MYO5B: variants seen among roughly 807,000 people sequenced by gnomAD.
The protein encoded by MYO5B is unconventional myosin-Vb.
In MYO5B, 143 loss-of-function variants were observed where a neutral mutation model predicts 229.3. The observed-to-expected ratio is 0.62, with a 90% CI of 0.54 to 0.72. The LOEUF (loss-of-function observed/expected upper bound fraction) is 0.72. MYO5B is among the 30% of genes least tolerant of loss of function. MYO5B has a pLI of 0.00. For missense variants in MYO5B, 2,321 were observed against 2,331.0 expected (o/e 1.00, Z 0.09); for synonymous variants, 918 against 885.2 (o/e 1.04, Z -0.66).
intron 2 of MYO5B, among the ~76,000 whole-genome samples, chr18:50,045,048 A>AG (rs1568084215): frequency 6.6e-6 from 1 of 152,200 alleles, no homozygotes; most frequent in African/African-American, 2.4e-5. Flanking sequence ...GAGTAGGCAG[A>AG]GGGATGATTT....
chr18:49,823,929 A>C lies in MYO5B; in HGVS notation c.*2542T>G, dbSNP rs1175606726. 6.5e-6 allele frequency: 1 copy of C among 152,672 alleles called. No homozygotes were observed. Among genetic ancestry groups the C allele is most frequent in the Admixed American group, 6.5e-5 (1 of 15,290 alleles). 9.5% of individuals were successfully genotyped at this position (152,672 alleles called of 1,614,324 possible). On this transcript the variant is annotated 3_prime_UTR_variant, in exon 40 of 40. Coordinates refer to ENST00000285039, the MANE Select transcript of MYO5B (RefSeq NM_001080467.3). The stretch of plus-strand genomic sequence containing the variant: ...TTAAAAGACAAAACTCCCCCATGAT[A>C]TCACCTTGAACATTAAAATTATTCC...
At chr18:50,064,838 C>T (rs1377811309) in intron 1 of MYO5B, among the ~76,000 whole-genome samples, 2 of 152,202 alleles carry the variant, frequency 1.3e-5, no homozygotes, top group Non-Finnish European at 2.9e-5. Flanking sequence ...CTCTAAACAA[C>T]CAAAGCAAGC....
chr18:49,981,536 T>C (rs961316860), intron 8 of MYO5B, among the ~76,000 whole-genome samples: 3 of 152,254 alleles, frequency 2.0e-5, no homozygotes, highest in African/African-American at 4.8e-5. Context: ...GTAAGCATCA[T>C]AGATTTACTT....
At chr18:50,035,580 T>C (rs2026439772) in intron 4 of MYO5B, among the ~76,000 whole-genome samples, 1 of 152,212 alleles carries the variant, frequency 6.6e-6, no homozygotes, top group African/African-American at 2.4e-5. Flanking sequence ...AACATGCTAA[T>C]GCTCATTCTT....
intron 25 of MYO5B, chr18:49,876,223 T>A (rs982299451): frequency 6.2e-6 from 2 of 322,248 alleles, no homozygotes; most frequent in Non-Finnish European, 1.2e-5. Flanking sequence ...TGATGAGGAA[T>A]CAACATGGTT....
At chr18:50,111,868 T>G (rs546541917) in intron 1 of MYO5B, among the ~76,000 whole-genome samples, 1 of 152,312 alleles carries the variant, frequency 6.6e-6, no homozygotes, top group Non-Finnish European at 1.5e-5. Flanking sequence ...TAAGGCACCT[T>G]GAGCACATGA....
At chr18:50,011,865 T>C (rs531072951) in intron 4 of MYO5B, among the ~76,000 whole-genome samples, 36 of 151,948 alleles carry the variant, frequency 2.4e-4, no homozygotes, top group African/African-American at 8.0e-4. Context: ...CCAGACCCTG[T>C]AGTACGGTGG....
chr18:50,153,126 G>C (rs2032625775), intron 1 of MYO5B, among the ~76,000 whole-genome samples: 1 of 152,138 alleles, frequency 6.6e-6, no homozygotes, highest in Non-Finnish European at 1.5e-5. Flanking sequence ...TCAATGTCCT[G>C]TGGCACAATT....
At chr18:49,856,985 TTTGG>T in intron 29 of MYO5B, 95 bp from the exon 30 acceptor site, 1 of 1,110,022 alleles carries the variant, frequency 9.0e-7, no homozygotes, top group Admixed American at 1.8e-5. Context: ...CTAGCCAAGG[TTTGG>T]AAACGAAAAA....
intron 1 of MYO5B, among the ~76,000 whole-genome samples, chr18:50,120,295 G>A (rs906756323): frequency 6.6e-6 from 1 of 152,206 alleles, no homozygotes; most frequent in African/African-American, 2.4e-5. Context: ...TGAAGACAAT[G>A]TCTGCTCGAG....
chr18:49,902,889 A>G (rs1303353816), intron 20 of MYO5B, 56 bp from the exon 21 acceptor site: 1 of 1,586,536 alleles, frequency 6.3e-7, no homozygotes, highest in Non-Finnish European at 8.5e-7. Context: ...ACAGGAGTGA[A>G]GGAAGCATAC....
chr18:49,871,389 A>G (rs1021620516), intron 27 of MYO5B, among the ~76,000 whole-genome samples: 4 of 152,170 alleles, frequency 2.6e-5, no homozygotes, highest in Admixed American at 2.0e-4. Flanking sequence ...TGTATTTAAT[A>G]CCATTGAACT....
At chr18:49,840,209 A>T (rs1289490484) in intron 35 of MYO5B, 1 of 152,274 alleles carries the variant, frequency 6.6e-6, no homozygotes, top group Non-Finnish European at 1.5e-5. Flanking sequence ...GAATGTGTAT[A>T]ACATTGGGTA....
Position 49,875,744 on chromosome 18 carries a change from C to A in MYO5B, c.3480G>T (p.Arg1160Ser). The change falls in exon 26 of 40, where the codon AGG becomes AGT. Residue 1160 changes from arginine (R) to serine (S), a missense_variant. Physicochemically the swap from Arg to Ser is moderately radical, Grantham distance 110. Transcript: ENST00000285039. ...QKRVRELEQE[R>S]KKLQVQLEKR... ...TCTCCAGCTGCACTTGCAGCTTTTT[C>A]CTCTCCTGCTCCAGCTCCCGTACTC... 1 of 1,614,180 alleles carries A rather than the reference C, an allele frequency of 6.2e-7. No homozygotes were observed.
chr18:49,894,348 C>G (rs950008128), intron 22 of MYO5B, among the ~76,000 whole-genome samples: 1 of 152,120 alleles, frequency 6.6e-6, no homozygotes, highest in African/African-American at 2.4e-5. Flanking sequence ...CTCCAGGGGC[C>G]CTTGGGACTT....
intron 1 of MYO5B, among the ~76,000 whole-genome samples, chr18:50,185,225 G>A (rs148409382): frequency 2.2e-4 from 34 of 151,866 alleles, no homozygotes; most frequent in East Asian, 5.8e-4. Context: ...GTGAACAGAG[G>A]CTCAACCCTC....
chr18:49,912,001 AC>A (rs1478555868), intron 18 of MYO5B, 60 bp downstream of exon 18: 10 of 1,249,898 alleles, frequency 8.0e-6, no homozygotes. Flanking sequence ...TAACGACGCC[AC>A]CCCCTCAATC....
In MYO5B at chr18:49,824,250, A is replaced by AAC. The variant is rs1598811569; in HGVS notation, c.*2219_*2220dup. The AAC allele has an allele frequency of 1.3e-5, 2 of 152,294 alleles. No individual in the cohort carries two copies. The highest frequency in any genetic ancestry group is 3.8e-4 in the East Asian group (2 of 5,206). The allele number at this position is 152,294 out of a possible 1,614,324, so 9.4% of individuals were successfully genotyped here. On this transcript the variant is annotated 3_prime_UTR_variant, in exon 40 of 40. Transcript: ENST00000285039. ...ATTAAATAAGACAGATCTAAATATT[A>AAC]ACTACATATAAAGTATATATTTGTT...
In MYO5B at chr18:50,055,301, G is replaced by A. The variant is rs747885444; in HGVS notation, c.105C>T (p.Asp35=). The change falls in exon 2 of 40, where the codon GAC becomes GAT. Residue 35 remains aspartate, a synonymous_variant. Transcript: ENST00000285039. ...AELTKDYKEG[D]KSLQLRLEDE... is the part of the protein sequence containing the mutation. Reference sequence around the variant, plus strand: ...CCTCCAGTCTGAGCTGTAGGCTCTTGTCTCCTTCTTTGTAGTCCTTGGTTA... The same window carrying A: ...CCTCCAGTCTGAGCTGTAGGCTCTTATCTCCTTCTTTGTAGTCCTTGGTTA... 245 of 1,577,856 alleles carry A rather than the reference G, an allele frequency of 1.6e-4. 5 individuals are homozygous for A. In the South Asian group the frequency reaches 2.7e-3, roughly 17 times the overall value.
Sources: allele counts gnomAD v4.1 joint callset (sites outside exome capture counted in the v4.1 genomes callset), GRCh38; gene constraint gnomAD v4.1.1; transcripts MANE v1.5; gene names NCBI Gene and HGNC (gene_info 2026-07-23, HGNC 2026-07-21).